SETBP1: variants seen among roughly 807,000 people sequenced by gnomAD.
SETBP1 encodes SET binding protein 1, also known as SET-binding protein.
SETBP1 carries 9 observed loss-of-function variants against 101.0 expected under a neutral mutation model. That is an observed-to-expected ratio of 0.09 (90% CI 0.05 to 0.16). SETBP1 has a LOEUF of 0.16. Among genes scored for constraint, SETBP1 ranks in the 10% least tolerant of loss-of-function variants. The probability of loss-of-function intolerance (pLI) is 1.00; values close to 1 mark genes in which losing one functional copy is unlikely to be tolerated. For synonymous variants in SETBP1, 818 were observed against 788.5 expected, an observed-to-expected ratio of 1.04 and a Z score of -0.63; for missense variants, 1,858 against 2,033.8, an observed-to-expected ratio of 0.91 and a Z score of 1.66.
At chr18:44,831,186 A>G (rs1472300324) in intron 2 of SETBP1, among the ~76,000 whole-genome samples, 1 of 152,244 alleles carries the variant, frequency 6.6e-6, no homozygotes, top group Admixed American at 6.5e-5. Flanking sequence ...GTTGGCCTCA[A>G]CTGATGTGGA....
intron 3 of SETBP1, among the ~76,000 whole-genome samples, chr18:44,894,279 C>A (rs1247602903): frequency 1.1e-4 from 17 of 152,126 alleles, no homozygotes; most frequent in Non-Finnish European, 1.5e-5. Context: ...TTCAATTTAG[C>A]CAGCAGTGCA....
chr18:44,837,526 T>C (rs1034992847), intron 2 of SETBP1, among the ~76,000 whole-genome samples: 1 of 152,230 alleles, frequency 6.6e-6, no homozygotes, highest in Non-Finnish European at 1.5e-5. Flanking sequence ...TAAGAATATA[T>C]GCCCTTGTAC....
At chr18:44,914,131 C>G (rs768751528) in intron 3 of SETBP1, among the ~76,000 whole-genome samples, 1 of 152,206 alleles carries the variant, frequency 6.6e-6, no homozygotes, top group Non-Finnish European at 1.5e-5. Context: ...ACACGCCTTT[C>G]TTTCATACTC....
chr18:44,720,111 G>C (rs1392555614), intron 2 of SETBP1, among the ~76,000 whole-genome samples: 1 of 152,098 alleles, frequency 6.6e-6, no homozygotes, highest in African/African-American at 2.4e-5. Context: ...ATAGCCTCTG[G>C]GATGATAGAT....
intron 4 of SETBP1, among the ~76,000 whole-genome samples, chr18:45,022,555 C>T (rs1247135227): frequency 6.6e-6 from 1 of 152,160 alleles, no homozygotes; most frequent in Non-Finnish European, 1.5e-5. Context: ...ACAGGCCAGG[C>T]ACGGTGGCCC....
intron 3 of SETBP1, among the ~76,000 whole-genome samples, chr18:44,899,339 G>A (rs185211981): frequency 6.6e-6 from 1 of 152,286 alleles, no homozygotes; most frequent in African/African-American, 2.4e-5. Flanking sequence ...GGGGAATAGA[G>A]AGAGGCATTC....
intron 2 of SETBP1, among the ~76,000 whole-genome samples, chr18:44,795,376 T>C: frequency 6.6e-6 from 1 of 152,204 alleles, no homozygotes; most frequent in East Asian, 1.9e-4. Flanking sequence ...ACACCAAGTC[T>C]TCTTCCTCAT....
chr18:44,697,663 G>A (rs73952916), intron 1 of SETBP1, among the ~76,000 whole-genome samples: 1,649 of 152,336 alleles, frequency 0.011, 26 homozygotes, highest in African/African-American at 0.038. Context: ...CTGCAATCAT[G>A]TTAGAGAAAT....
intron 4 of SETBP1, among the ~76,000 whole-genome samples, chr18:44,961,833 G>A (rs1161323873): frequency 1.3e-5 from 2 of 152,144 alleles, no homozygotes; most frequent in African/African-American, 2.4e-5. Context: ...TGTTTGCTGT[G>A]CATCTGTGAA....
chr18:44,934,042 G>C (rs1189668036), intron 3 of SETBP1, among the ~76,000 whole-genome samples: 3 of 152,238 alleles, frequency 2.0e-5, no homozygotes, highest in East Asian at 3.9e-4. Flanking sequence ...GAATGGAGCT[G>C]TTCCTATTCG....
At chr18:44,683,005 T>G (rs2068784767) in intron 1 of SETBP1, among the ~76,000 whole-genome samples, 1 of 148,544 alleles carries the variant, frequency 6.7e-6, no homozygotes, top group Non-Finnish European at 1.5e-5. Context: ...ATAAACAAAC[T>G]GGAGGTGGGG....
chr18:44,854,694 C>T (rs1375676800), intron 2 of SETBP1, among the ~76,000 whole-genome samples: 1 of 152,212 alleles, frequency 6.6e-6, no homozygotes, highest in Non-Finnish European at 1.5e-5. Flanking sequence ...GCTAATCAGT[C>T]AGCAAATACT....
intron 2 of SETBP1, among the ~76,000 whole-genome samples, chr18:44,791,275 C>T (rs1048393866): frequency 1.3e-5 from 2 of 152,190 alleles, no homozygotes; most frequent in South Asian, 2.1e-4. Flanking sequence ...TCAGCTCCCA[C>T]GAAAAACAAT....
intron 2 of SETBP1, among the ~76,000 whole-genome samples, chr18:44,845,669 T>TC (rs2072710603): frequency 6.6e-6 from 1 of 152,194 alleles, no homozygotes. Context: ...CTCAGGCCTT[T>TC]CCCCATGGGC....
intron 5 of SETBP1, among the ~76,000 whole-genome samples, chr18:45,051,609 A>C (rs775891820): frequency 3.9e-5 from 6 of 152,168 alleles, no homozygotes; most frequent in Non-Finnish European, 2.9e-5. Flanking sequence ...AAAAAAGACC[A>C]TTCCTTCCCC....
chr18:44,862,983 GGTTT>G (rs144524569), intron 2 of SETBP1, among the ~76,000 whole-genome samples: 3 of 152,256 alleles, frequency 2.0e-5, no homozygotes, highest in South Asian at 2.1e-4. Context: ...CTATGACAGA[GGTTT>G]GTTTGTTTGT....
intron 4 of SETBP1, among the ~76,000 whole-genome samples, chr18:44,972,795 C>T (rs1419273133): frequency 6.6e-6 from 1 of 152,164 alleles, no homozygotes; most frequent in East Asian, 1.9e-4. Flanking sequence ...ATGGGGTTTT[C>T]TACATATACA....
chr18:44,764,338 A>G (rs1268435251), intron 2 of SETBP1, among the ~76,000 whole-genome samples: 1 of 152,114 alleles, frequency 6.6e-6, no homozygotes, highest in African/African-American at 2.4e-5. Context: ...TCCATTCGTT[A>G]TCCATGATGT....
intron 2 of SETBP1, among the ~76,000 whole-genome samples, chr18:44,803,798 T>C (rs2071664243): frequency 6.6e-6 from 1 of 152,206 alleles, no homozygotes; most frequent in Non-Finnish European, 1.5e-5. Flanking sequence ...CTAAACAGGG[T>C]ATATTCTTTA....
Sources: gnomAD v4.1 joint callset for allele counts (sites outside exome capture counted in the v4.1 genomes callset) on GRCh38, gnomAD v4.1.1 for gene constraint, MANE v1.5 for transcripts, NCBI Gene and HGNC (gene_info 2026-07-23, HGNC 2026-07-21) for gene names.